Variants in DHRSX observed in about 807,000 individuals in gnomAD.
The protein encoded by DHRSX is dehydrogenase/reductase X-linked.
In DHRSX, 31 loss-of-function variants were observed where a neutral mutation model predicts 34.0. That is an observed-to-expected ratio of 0.91 (90% CI 0.69 to 1.23). The LOEUF (loss-of-function observed/expected upper bound fraction) is 1.23. Ranked by LOEUF, DHRSX falls within the 50% of genes most tolerant of loss-of-function variation. The probability of loss-of-function intolerance (pLI) is 0.00; values close to 1 mark genes in which losing one functional copy is unlikely to be tolerated. For synonymous variants in DHRSX, 201 were observed against 183.8 expected, an observed-to-expected ratio of 1.09 and a Z score of -0.76; for missense variants, 414 against 428.1, an observed-to-expected ratio of 0.97 and a Z score of 0.29.
intron 3 of DHRSX, among the ~76,000 whole-genome samples, chrX:2,370,903 A>C (rs1346694561): frequency 1.3e-5 from 2 of 152,146 alleles, no homozygotes; most frequent in Non-Finnish European, 2.9e-5. Context: ...GGCAGCTTTT[A>C]TCCATGACTG....
chrX:2,416,550 A>G (rs1312352615), intron 2 of DHRSX, among the ~76,000 whole-genome samples: 2 of 152,168 alleles, frequency 1.3e-5, no homozygotes, highest in African/African-American at 4.8e-5. Context: ...AGTATTACCT[A>G]TGGGTGGTTA....
Position 2,311,116 on chromosome X carries a change from A to C in DHRSX, c.287-19513T>G, listed in dbSNP as rs758460416. ...GAGAGACACAGAAACTGAGAGACAG[A>C]GAGAATAAGCGAGAGACAGAGAGAG... On this transcript the variant is annotated intron_variant, in intron 3 of 6. Coordinates refer to ENST00000334651, the MANE Select transcript of DHRSX (RefSeq NM_145177.3). 2.0e-5 allele frequency among the ~76,000 whole-genome samples: 3 copies of C among 151,616 alleles called. No homozygotes were observed. The South Asian group carries it at 6.3e-4, about 32-fold the overall frequency.
At chrX:2,236,699 TG>T (rs2016023634) in intron 6 of DHRSX, among the ~76,000 whole-genome samples, 1 of 152,088 alleles carries the variant, frequency 6.6e-6, no homozygotes. Flanking sequence ...CCCAAAGTGC[TG>T]GGATGACAGG....
intron 3 of DHRSX, among the ~76,000 whole-genome samples, chrX:2,358,950 GAA>G (rs57856874): frequency 8.0e-6 from 1 of 124,494 alleles, no homozygotes. Flanking sequence ...CTCTGTCTCG[GAA>G]AAAAAAAAAA....
In DHRSX at chrX:2,298,610, A is replaced by ACACACACGCACACACACACACACACG. The variant is rs1428468903; in HGVS notation, c.287-7008_287-7007insCGTGTGTGTGTGTGTGTGCGTGTGTG. Reference sequence around the variant, plus strand: ...CCTGCAGGCGCGTGTGTACACACACACACACACACACACACACACACACAC... The same window carrying ACACACACGCACACACACACACACACG: ...CCTGCAGGCGCGTGTGTACACACACACACACACGCACACACACACACACACGCACACACACACACACACACACACAC... On this transcript the variant is annotated intron_variant, in intron 3 of 6. Transcript: ENST00000334651. 5.3e-3 allele frequency among the ~76,000 whole-genome samples: 341 copies of ACACACACGCACACACACACACACACG among 64,774 alleles called. 28 individuals are homozygous for ACACACACGCACACACACACACACACG. The highest frequency in any genetic ancestry group is 0.012 in the African/African-American group (330 of 26,956). 42.5% of individuals were successfully genotyped at this position (64,774 alleles called of 152,430 possible).
chrX:2,265,876 A>T, intron 5 of DHRSX, among the ~76,000 whole-genome samples: 1 of 61,240 alleles, frequency 1.6e-5, no homozygotes, highest in Admixed American at 1.9e-4. Context: ...CAGAGCACCA[A>T]TGCTCGGCGG....
At chrX:2,441,610 C>T (rs1456264990) in intron 1 of DHRSX, among the ~76,000 whole-genome samples, 1 of 152,142 alleles carries the variant, frequency 6.6e-6, no homozygotes, top group African/African-American at 2.4e-5. Context: ...AGGTGGATTC[C>T]AGATAGAATT....
intron 3 of DHRSX, among the ~76,000 whole-genome samples, chrX:2,344,572 G>C (rs1004864106): frequency 2.0e-5 from 3 of 151,982 alleles, no homozygotes; most frequent in African/African-American, 7.3e-5. Flanking sequence ...CAGGGACATG[G>C]ATGAAGCTGG....
intron 6 of DHRSX, among the ~76,000 whole-genome samples, chrX:2,241,056 C>T (rs2016130322): frequency 6.6e-6 from 1 of 152,102 alleles, no homozygotes; most frequent in South Asian, 2.1e-4. Flanking sequence ...TGGTGGCGCA[C>T]ACCTGCAATC....
At chrX:2,245,992 A>G (rs2016273270) in intron 5 of DHRSX, among the ~76,000 whole-genome samples, 1 of 150,122 alleles carries the variant, frequency 6.7e-6, no homozygotes, top group African/African-American at 2.5e-5. Flanking sequence ...AAAACACACA[A>G]ACAAAAAAAA....
chrX:2,416,382 A>C (rs2043693453), intron 2 of DHRSX, among the ~76,000 whole-genome samples: 2 of 152,182 alleles, frequency 1.3e-5, no homozygotes, highest in Admixed American at 1.3e-4. Flanking sequence ...GGACTGTACA[A>C]GAGATTTCTT....
chrX:2,381,213 G>A (rs2043198216), intron 3 of DHRSX, among the ~76,000 whole-genome samples: 1 of 152,142 alleles, frequency 6.6e-6, no homozygotes. Flanking sequence ...AGTGTTAAGA[G>A]GTGGAGCCCT....
At chrX:2,432,140 G>A (rs1056383710) in intron 1 of DHRSX, among the ~76,000 whole-genome samples, 1 of 152,042 alleles carries the variant, frequency 6.6e-6, no homozygotes, top group Non-Finnish European at 1.5e-5. Context: ...CTTGCAGTGA[G>A]CTGAGATCAC....
chrX:2,357,965 G>A (rs28670855), intron 3 of DHRSX, among the ~76,000 whole-genome samples: 16,622 of 152,024 alleles, frequency 0.11, 1,074 homozygotes, highest in African/African-American at 0.17. Flanking sequence ...TCTACAAAAC[G>A]CTTATTTTAA....
chrX:2,283,235 G>C (rs764872472), intron 4 of DHRSX, among the ~76,000 whole-genome samples: 6 of 152,086 alleles, frequency 3.9e-5, no homozygotes, highest in East Asian at 1.9e-4. Flanking sequence ...CTGCCGCAGA[G>C]TCACAACAGA....
intron 5 of DHRSX, among the ~76,000 whole-genome samples, chrX:2,248,605 C>A (rs1423554622): frequency 1.4e-5 from 1 of 72,658 alleles, no homozygotes; most frequent in South Asian, 5.9e-4. Flanking sequence ...AAGAGCAAGA[C>A]TCTGTCTCAA....
At chrX:2,335,736 G>C (rs1224662245) in intron 3 of DHRSX, among the ~76,000 whole-genome samples, 1 of 152,010 alleles carries the variant, frequency 6.6e-6, no homozygotes, top group Non-Finnish European at 1.5e-5. Flanking sequence ...ACAGGCGTGA[G>C]CCACCGCACC....
At chrX:2,370,950 G>A (rs970675965) in intron 3 of DHRSX, among the ~76,000 whole-genome samples, 1 of 152,074 alleles carries the variant, frequency 6.6e-6, no homozygotes, top group Admixed American at 6.6e-5. Context: ...CGGTTGTTCC[G>A]AGCATCACGT....
At chrX:2,461,990 A>C (rs1320278365) in intron 1 of DHRSX, among the ~76,000 whole-genome samples, 8 of 152,180 alleles carry the variant, frequency 5.3e-5, no homozygotes. Context: ...GCGGCTGGCC[A>C]TGCAGCTGTT....
Sources: allele counts gnomAD v4.1 joint callset (sites outside exome capture counted in the v4.1 genomes callset), GRCh38; gene constraint gnomAD v4.1.1; transcripts MANE v1.5; gene names NCBI Gene and HGNC (gene_info 2026-07-23, HGNC 2026-07-21).